VIT: variants seen among roughly 807,000 people sequenced by gnomAD.
The protein encoded by VIT is vitrin.
A neutral mutation model predicts 78.0 loss-of-function variants in VIT; 99 were observed. The observed-to-expected ratio is 1.27, with a 90% CI of 1.08 to 1.50. The LOEUF (loss-of-function observed/expected upper bound fraction) is 1.50, where lower values mean the gene tolerates loss of function less well. Ranked by LOEUF, VIT falls within the 40% of genes most tolerant of loss-of-function variation. VIT has a pLI of 0.00. For missense variants in VIT, 1,126 were observed against 875.3 expected, an observed-to-expected ratio of 1.29 and a Z score of -3.61; for synonymous variants, 374 against 334.3, an observed-to-expected ratio of 1.12 and a Z score of -1.29.
At chr2:36,739,322 G>A (rs939828211) in intron 3 of VIT, among the ~76,000 whole-genome samples, 1 of 152,202 alleles carries the variant, frequency 6.6e-6, no homozygotes, top group Non-Finnish European at 1.5e-5. Flanking sequence ...TAAGGAATCT[G>A]CAGTTTGATT....
intron 9 of VIT, among the ~76,000 whole-genome samples, chr2:36,780,776 C>T (rs1410405796): frequency 6.7e-6 from 1 of 150,282 alleles, no homozygotes; most frequent in Non-Finnish European, 1.5e-5. Flanking sequence ...GTTGATCATG[C>T]TCTCAACTTT....
At chr2:36,765,642 T>G (rs11894448) in intron 6 of VIT, among the ~76,000 whole-genome samples, 1 of 152,066 alleles carries the variant, frequency 6.6e-6, no homozygotes, top group African/African-American at 2.4e-5. Context: ...AGAGGTCATA[T>G]GACGACGGAG....
chr2:36,773,399 C>A (rs1669869916), intron 7 of VIT, among the ~76,000 whole-genome samples: 1 of 151,220 alleles, frequency 6.6e-6, no homozygotes, highest in East Asian at 1.9e-4. Flanking sequence ...TTGTTTCCAA[C>A]CTTGGTAATG....
intron 7 of VIT, among the ~76,000 whole-genome samples, chr2:36,768,627 C>T (rs1161728413): frequency 6.6e-6 from 1 of 152,134 alleles, no homozygotes; most frequent in Non-Finnish European, 1.5e-5. Flanking sequence ...TTCCAGCCTA[C>T]ACAGCTGGGA....
chr2:36,798,326 G>A (rs1280876789), intron 12 of VIT, among the ~76,000 whole-genome samples: 9 of 152,242 alleles, frequency 5.9e-5, no homozygotes, highest in Middle Eastern at 3.4e-3. Context: ...CAGGACTCCC[G>A]GTGTTACAGT....
At chr2:36,792,281 G>C (rs1407904312) in intron 12 of VIT, among the ~76,000 whole-genome samples, 2 of 152,190 alleles carry the variant, frequency 1.3e-5, no homozygotes, top group Non-Finnish European at 2.9e-5. Context: ...TCCTCTCTGA[G>C]AGACAGGCAG....
intron 3 of VIT, among the ~76,000 whole-genome samples, chr2:36,734,649 C>G (rs1415870256): frequency 6.6e-6 from 1 of 152,166 alleles, no homozygotes; most frequent in Non-Finnish European, 1.5e-5. Flanking sequence ...GCCTGCCATT[C>G]CAGTACATCT....
chr2:36,739,903 T>C (rs1422094496), intron 3 of VIT, among the ~76,000 whole-genome samples: 1 of 152,192 alleles, frequency 6.6e-6, no homozygotes, highest in Non-Finnish European at 1.5e-5. Flanking sequence ...CCGGAAGGAA[T>C]GGAAGAGGCT....
chr2:36,706,994 C>T (rs762188105), intron 1 of VIT, among the ~76,000 whole-genome samples: 6 of 151,942 alleles, frequency 3.9e-5, no homozygotes, highest in African/African-American at 7.3e-5. Context: ...TTATAATGTC[C>T]ATTTCACCTC....
At chr2:36,707,990 C>A (rs1200514522) in intron 1 of VIT, among the ~76,000 whole-genome samples, 3 of 152,112 alleles carry the variant, frequency 2.0e-5, no homozygotes, top group Non-Finnish European at 1.5e-5. Flanking sequence ...AGTGATGACC[C>A]TAAGGTGGCT....
intron 4 of VIT, among the ~76,000 whole-genome samples, chr2:36,750,631 G>A (rs1442496762): frequency 6.6e-6 from 1 of 151,926 alleles, no homozygotes; most frequent in Non-Finnish European, 1.5e-5. Context: ...GACCAGCCTG[G>A]CCAACATGGT....
intron 12 of VIT, among the ~76,000 whole-genome samples, chr2:36,795,806 T>C (rs1665855512): frequency 6.6e-6 from 1 of 152,184 alleles, no homozygotes; most frequent in South Asian, 2.1e-4. Flanking sequence ...GATTTTGCTA[T>C]TTAAAATGGA....
intron 2 of VIT, among the ~76,000 whole-genome samples, chr2:36,720,179 G>T (rs1005572379): frequency 1.3e-5 from 2 of 151,890 alleles, no homozygotes. Context: ...ATTCCAAAAG[G>T]CCAAAGCAAT....
At chr2:36,763,703 C>A (rs1004449953) in intron 6 of VIT, among the ~76,000 whole-genome samples, 1 of 150,622 alleles carries the variant, frequency 6.6e-6, no homozygotes, top group Non-Finnish European at 1.5e-5. Context: ...CATTCTCCTG[C>A]CTCAGCCTCT....
chr2:36,713,312 C>G (rs577658655), intron 1 of VIT, among the ~76,000 whole-genome samples: 1 of 152,114 alleles, frequency 6.6e-6, no homozygotes, highest in Admixed American at 6.5e-5. Context: ...GTGCAGAGAC[C>G]CTGAGGTAAA....
chr2:36,794,515 G>A (rs575566279), intron 12 of VIT, among the ~76,000 whole-genome samples: 20 of 152,184 alleles, frequency 1.3e-4, no homozygotes, highest in Non-Finnish European at 2.6e-4. Flanking sequence ...CGCTGGTCCT[G>A]AGACCTGCCA....
intron 2 of VIT, among the ~76,000 whole-genome samples, chr2:36,725,058 C>T (rs1270685683): frequency 6.6e-6 from 1 of 152,196 alleles, no homozygotes; most frequent in African/African-American, 2.4e-5. Context: ...ACACTCACAC[C>T]CACTCAAACC....
chr2:36,805,867 G>A (rs1303960566), intron 14 of VIT, among the ~76,000 whole-genome samples: 1 of 152,132 alleles, frequency 6.6e-6, no homozygotes, highest in East Asian at 1.9e-4. Flanking sequence ...AGCAGCTGTG[G>A]AGGAGCAGTG....
intron 2 of VIT, among the ~76,000 whole-genome samples, chr2:36,722,046 C>T (rs1046153986): frequency 5.3e-5 from 8 of 152,160 alleles, no homozygotes; most frequent in East Asian, 3.9e-4. Flanking sequence ...TCCTTAAGGA[C>T]GCTGGATTTT....
Sources: allele counts gnomAD v4.1 joint callset (sites outside exome capture counted in the v4.1 genomes callset), GRCh38; gene constraint gnomAD v4.1.1; transcripts MANE v1.5; gene names NCBI Gene and HGNC (gene_info 2026-07-23, HGNC 2026-07-21).